MAP3K10: variants seen among roughly 807,000 people sequenced by gnomAD.
MAP3K10 encodes mitogen-activated protein kinase kinase kinase 10.
A neutral mutation model predicts 75.0 loss-of-function variants in MAP3K10; 22 were observed. That is an observed-to-expected ratio of 0.29 (90% confidence interval 0.21 to 0.42). MAP3K10 has a LOEUF of 0.42. Among genes scored for constraint, MAP3K10 ranks in the 10% least tolerant of loss-of-function variants. The pLI, the probability that MAP3K10 is intolerant of heterozygous loss-of-function variation, is 1.00. For synonymous variants in MAP3K10, 599 were observed against 612.9 expected (o/e 0.98, Z 0.34); for missense variants, 1,165 against 1,379.8 (o/e 0.84, Z 2.47).
rs1476556818 is a variant in MAP3K10, at chr19:40,213,225, C to T, written c.1837+37C>T. On this transcript the variant is annotated intron_variant, in intron 8 of 9. Transcript: ENST00000253055. This position sits in a 1 kb window ranked among gnomAD's most constrained non-coding sequence, Gnocchi z 5.7. ...GGTTCTTGTAAGGGGGTGGGGGTTC[C>T]CTGGCCAAAGGGGTGAGCCTCCTGG... 1.2e-5 allele frequency: 19 copies of T among 1,526,904 alleles called. No individual in the cohort carries two copies. Among genetic ancestry groups the T allele is most frequent in the Admixed American group, 6.4e-5 (3 of 46,634 alleles). The allele number at this position is 1,526,904 out of a possible 1,614,324, so 94.6% of individuals were successfully genotyped here.
intron 2 of MAP3K10, among the ~76,000 whole-genome samples, chr19:40,201,986 C>T (rs1001785045): frequency 4.0e-5 from 6 of 151,502 alleles, no homozygotes; most frequent in Non-Finnish European, 5.9e-5. Context: ...CCCCCAGGCT[C>T]CAGGTTTTAT....
At position 40,209,205 on chromosome 19, in the gene MAP3K10, T is replaced by C; in HGVS notation, c.1538T>C (p.Leu513Pro). Residue 513 changes from leucine (L) to proline (P), a missense_variant, in exon 6 of 10, where the codon CTG becomes CCG. Physicochemically the swap from Leu to Pro is moderately conservative, Grantham distance 98 (BLOSUM62 -3). Around this residue, in one of 2 missense-constraint regions of MAP3K10, gnomAD observed 575 missense variants for 793.2 expected, o/e 0.72. Coordinates refer to ENST00000253055, the MANE Select transcript of MAP3K10 (RefSeq NM_002446.4). ...PPASPSIIPRLRAIRLTPVDC... is the reference protein window; with the variant it reads ...PPASPSIIPRPRAIRLTPVDC... ...GCAAGCCCCAGCATCATCCCCCGGC[T>C]GAGGGCCATTCGCCGTGAGTATCTC... 6.2e-7 allele frequency: 1 copy of C among 1,614,100 alleles called. No individual in the cohort carries two copies. The highest frequency in any genetic ancestry group is 8.5e-7 in the Non-Finnish European group (1 of 1,179,950).
At position 40,213,968 on chromosome 19, in the gene MAP3K10, C is replaced by T; in HGVS notation, c.2289C>T (p.Arg763=). ...SDCNSTRSLL[R]SDSDEAAPAA... ...GCAACTCCACGCGTTCACTGCTGCG[C>T]TCTGACAGTGACGAGGCCGCACCGG... is the stretch of plus-strand genomic sequence containing the variant. The change falls in exon 9 of 10, where the codon CGC becomes CGT. Residue 763 remains arginine (R), a synonymous_variant. Coordinates refer to ENST00000253055, the MANE Select transcript of MAP3K10 (RefSeq NM_002446.4). This position sits in a 1 kb window ranked among gnomAD's most constrained non-coding sequence, Gnocchi z 5.7. The T allele has an allele frequency of 4.6e-6, 7 of 1,536,468 alleles. No individual in the cohort carries two copies. The highest frequency in any genetic ancestry group is 6.1e-6 in the Non-Finnish European group (7 of 1,148,590).
rs1441408743 is a variant in MAP3K10 at position 40,205,678 on chromosome 19, TGAA to T, written c.1189-230_1189-228del. ...TGTGGATGTTTGAAGTTTTCTAAAT[TGAA>T]GAGTTAAGAAAGAAAAAGAAAGAAA... On this transcript the variant is annotated intron_variant, in intron 4 of 9. Transcript: ENST00000253055. This position sits in a 1 kb window ranked among gnomAD's most constrained non-coding sequence, Gnocchi z 4.3. 3 of 526,824 alleles carry T rather than the reference TGAA, an allele frequency of 5.7e-6. No homozygotes were observed. Among genetic ancestry groups the T allele is most frequent in the Non-Finnish European group, 9.9e-6 (3 of 302,690 alleles). The allele number at this position is 526,824 out of a possible 1,614,324, so 32.6% of individuals were successfully genotyped here.
In MAP3K10 at chr19:40,205,175, G is replaced by A. The variant is rs770231591; in HGVS notation, c.1067G>A (p.Arg356Gln). 8.9e-5 allele frequency: 143 copies of A among 1,614,034 alleles called. No individual in the cohort carries two copies. The highest frequency in any genetic ancestry group is 1.1e-4 in the Non-Finnish European group (128 of 1,180,032). Residue 356 changes from arginine (R) to glutamine (Q), a missense_variant, in exon 4 of 10, where the codon CGG becomes CAG. This residue lies in a region of MAP3K10 where 575 missense variants were observed against 793.2 expected (regional missense o/e 0.72). Transcript: ENST00000253055. This position sits in a 1 kb window ranked among gnomAD's most constrained non-coding sequence, Gnocchi z 4.3. The stretch of plus-strand genomic sequence containing the variant: ...CCAGATTTCGGTAGCATCTTGAAGC[G>A]GCTTGAAGTCATCGAACAGTCAGCC... ...GRPDFGSILK[R>Q]LEVIEQSALF...
At chr19:40,208,351 T>TC (rs1372647091) in intron 5 of MAP3K10, among the ~76,000 whole-genome samples, 7 of 93,422 alleles carry the variant, frequency 7.5e-5, no homozygotes, top group Non-Finnish European at 1.3e-4. Context: ...CTTTCTTTTT[T>TC]TTTTTTTTTT....
Position 40,213,496 on chromosome 19 carries a change from G to A in MAP3K10, c.1838-21G>A, listed in dbSNP as rs1439136605. 1 of 1,609,766 alleles carries A rather than the reference G, an allele frequency of 6.2e-7. No homozygotes were observed. Among genetic ancestry groups the A allele is most frequent in the East Asian group, 2.2e-5 (1 of 44,754 alleles). On this transcript the variant is annotated intron_variant, in intron 8 of 9. Coordinates refer to ENST00000253055, the MANE Select transcript of MAP3K10 (RefSeq NM_002446.4). This position sits in a 1 kb window ranked among gnomAD's most constrained non-coding sequence, Gnocchi z 5.7. The stretch of plus-strand genomic sequence containing the variant: ...GCCCTGGCCAGCCCTGCAGCGGAGT[G>A]ATGGCCCTCTCCGGTTGCAGAGGAG...
rs747708612 is a variant in MAP3K10 at position 40,206,111 on chromosome 19, C to G, written c.1389C>G (p.Arg463=). ...RKRKGNFKRS[R]LLKLREGGSH... The stretch of plus-strand genomic sequence containing the variant: ...GCAAGGGCAACTTCAAGCGCAGCCG[C>G]CTGCTCAAGCTGCGGGAAGGCGGCA... Residue 463 remains arginine (R), a synonymous_variant, in exon 5 of 10, where the codon CGC becomes CGG. Coordinates refer to ENST00000253055, the MANE Select transcript of MAP3K10 (RefSeq NM_002446.4). 6 of 1,612,184 alleles carry G rather than the reference C, an allele frequency of 3.7e-6. No individual in the cohort carries two copies. The Admixed American group carries it at 5.0e-5, about 13-fold the overall frequency.
intron 6 of MAP3K10, among the ~76,000 whole-genome samples, chr19:40,210,261 C>T (rs575498471): frequency 2.9e-4 from 43 of 149,584 alleles, no homozygotes; most frequent in Admixed American, 8.6e-4. Flanking sequence ...AGCGAGACTC[C>T]GTCTCAAAAA....
Position 40,205,546 on chromosome 19 carries a change from C to T in MAP3K10, c.1188+250C>T, listed in dbSNP as rs1032852527. ...TGGCTTTAAAATACTACAGCAGAAA[C>T]GAAGAGAGGGCAAGAGGAGAGAAGG... On this transcript the variant is annotated intron_variant, in intron 4 of 9. Coordinates refer to ENST00000253055, the MANE Select transcript of MAP3K10 (RefSeq NM_002446.4). The surrounding 1 kb of genome is among the most constrained non-coding windows in gnomAD (Gnocchi z 4.3). 82 of 550,058 alleles carry T rather than the reference C, an allele frequency of 1.5e-4. No individual in the cohort carries two copies. The highest frequency in any genetic ancestry group is 6.1e-5 in the Admixed American group (2 of 32,610). 34.1% of individuals were successfully genotyped at this position (550,058 alleles called of 1,614,324 possible). A position where few individuals can be genotyped will look rare whatever the true frequency, so the allele number is the denominator to read the frequency against.
chr19:40,207,357 A>G (rs1177780908), intron 5 of MAP3K10, among the ~76,000 whole-genome samples: 1 of 152,190 alleles, frequency 6.6e-6, no homozygotes, highest in Non-Finnish European at 1.5e-5. Flanking sequence ...GCCAGTGGAA[A>G]TATAATACAA....
In MAP3K10 at chr19:40,215,515, G is replaced by A; in HGVS notation, c.*223G>A. The A allele has an allele frequency of 3.6e-6, 2 of 560,988 alleles. No individual in the cohort carries two copies. Among genetic ancestry groups the A allele is most frequent in the Middle Eastern group, 4.7e-4 (1 of 2,140 alleles). The allele number at this position is 560,988 out of a possible 1,614,324, so 34.8% of individuals were successfully genotyped here. On this transcript the variant is annotated 3_prime_UTR_variant, in exon 10 of 10. Coordinates refer to ENST00000253055, the MANE Select transcript of MAP3K10 (RefSeq NM_002446.4). ...GGGAGGGTGGGCAGGGATACTCAGG[G>A]ACAGGGCATCATGGGGGATTTGGCA...
In MAP3K10 at chr19:40,209,201, C is replaced by T; in HGVS notation, c.1534C>T (p.Arg512Trp). 1.2e-6 allele frequency: 2 copies of T among 1,614,096 alleles called. No individual in the cohort carries two copies. The highest frequency in any genetic ancestry group is 8.5e-7 in the Non-Finnish European group (1 of 1,179,958). The change falls in exon 6 of 10, where the codon CGG becomes TGG. Residue 512 changes from arginine (R) to tryptophan (W), a missense_variant. Arg to Trp is a moderately radical substitution (Grantham distance 101). Around this residue, in one of 2 missense-constraint regions of MAP3K10, gnomAD observed 575 missense variants for 793.2 expected, o/e 0.72. Transcript: ENST00000253055. ...SPPASPSIIP[R>W]LRAIRLTPVD... ...CCCTGCAAGCCCCAGCATCATCCCC[C>T]GGCTGAGGGCCATTCGCCGTGAGTA...
In MAP3K10 at chr19:40,204,759, C is replaced by T; in HGVS notation, c.1012+126C>T. The T allele has an allele frequency of 8.5e-7, 1 of 1,173,780 alleles. No homozygotes were observed. Among genetic ancestry groups the T allele is most frequent in the Admixed American group, 2.7e-5 (1 of 36,456 alleles). The allele number at this position is 1,173,780 out of a possible 1,614,324, so 72.7% of individuals were successfully genotyped here. On this transcript the variant is annotated intron_variant, in intron 3 of 9. Coordinates refer to ENST00000253055, the MANE Select transcript of MAP3K10 (RefSeq NM_002446.4). This position sits in a 1 kb window ranked among gnomAD's most constrained non-coding sequence, Gnocchi z 4.3. ...AGGAGTGAGGAAGAAGGGGCTGGAA[C>T]CCACTGGACTCTAAACAGCCTCCCC...
chr19:40,199,437 G>C (rs755883811), intron 2 of MAP3K10, among the ~76,000 whole-genome samples: 7 of 152,204 alleles, frequency 4.6e-5, no homozygotes, highest in Non-Finnish European at 7.3e-5. Context: ...ACGCTTCTCT[G>C]AGCAATCTGA....
intron 1 of MAP3K10, among the ~76,000 whole-genome samples, chr19:40,195,335 C>T (rs555169450): frequency 2.0e-5 from 3 of 152,132 alleles, no homozygotes; most frequent in African/African-American, 2.4e-5. Flanking sequence ...ATGAGATGTT[C>T]CCTCTGTCAC....
Position 40,209,173 on chromosome 19 carries a change from C to A in MAP3K10, c.1506C>A (p.Ser502Arg). 6.2e-7 allele frequency: 1 copy of A among 1,614,154 alleles called. No individual in the cohort carries two copies. The highest frequency in any genetic ancestry group is 8.5e-7 in the Non-Finnish European group (1 of 1,179,998). Residue 502 changes from serine to arginine, a missense_variant, in exon 6 of 10, where the codon AGC becomes AGA. Transcript: ENST00000253055. ...LDKRKGSDGASPPASPSIIPR... is the reference protein window; with the variant it reads ...LDKRKGSDGARPPASPSIIPR... Reference sequence around the variant, plus strand: ...AGCGGAAAGGATCCGATGGGGCCAGCCCCCCTGCAAGCCCCAGCATCATCC... The same window carrying A: ...AGCGGAAAGGATCCGATGGGGCCAGACCCCCTGCAAGCCCCAGCATCATCC...
At chr19:40,210,747 G>A (rs1342617857) in intron 6 of MAP3K10, among the ~76,000 whole-genome samples, 5 of 151,818 alleles carry the variant, frequency 3.3e-5, no homozygotes, top group African/African-American at 1.2e-4. Context: ...GAACACCAAT[G>A]TCCAGTGTCT....
In MAP3K10 at chr19:40,192,338, A is replaced by C. The variant is rs1972834753; in HGVS notation, c.307A>C (p.Ile103Leu). 1.2e-6 allele frequency: 2 copies of C among 1,612,702 alleles called. No individual in the cohort carries two copies. Among genetic ancestry groups the C allele is most frequent in the Non-Finnish European group, 1.7e-6 (2 of 1,179,700 alleles). Residue 103 changes from isoleucine to leucine, a missense_variant, in exon 1 of 10, where the codon ATC (isoleucine) becomes CTC (leucine). Coordinates refer to ENST00000253055, the MANE Select transcript of MAP3K10 (RefSeq NM_002446.4). This position sits in a 1 kb window ranked among gnomAD's most constrained non-coding sequence, Gnocchi z 7.1. ...IPFHELQLEE[I>L]IGVGGFGKVY... ...CTTCCACGAGCTGCAGCTAGAGGAG[A>C]TCATCGGTGTGGGGGGCTTTGGCAA...
Sources: allele counts gnomAD v4.1 joint callset (sites outside exome capture counted in the v4.1 genomes callset), GRCh38; gene constraint gnomAD v4.1.1; regional missense constraint gnomAD v4.1.1; non-coding constraint Gnocchi (gnomAD v3.1); transcripts MANE v1.5; gene names NCBI Gene and HGNC (gene_info 2026-07-23, HGNC 2026-07-21).